The following TNR variants were observed in gnomAD, a reference collection of about 807,000 sequenced individuals.
The protein encoded by TNR is tenascin R.
TNR carries 45 observed loss-of-function variants against 150.4 expected under a neutral mutation model. The ratio of observed to expected loss-of-function variants is 0.30; its 90% confidence interval spans 0.24 to 0.38. The LOEUF (loss-of-function observed/expected upper bound fraction) is 0.38, where lower values mean the gene tolerates loss of function less well. Ranked by LOEUF, TNR falls within the 10% of genes least tolerant of loss-of-function variation. The probability of loss-of-function intolerance (pLI) is 1.00; values close to 1 mark genes in which losing one functional copy is unlikely to be tolerated. For missense variants in TNR, 1,544 were observed against 1,759.1 expected, an observed-to-expected ratio of 0.88 and a Z score of 2.19; for synonymous variants, 687 against 678.4, an observed-to-expected ratio of 1.01 and a Z score of -0.20.
intron 1 of TNR, among the ~76,000 whole-genome samples, chr1:175,607,841 T>C (rs1157599240): frequency 3.3e-5 from 5 of 152,244 alleles, no homozygotes; most frequent in African/African-American, 7.2e-5. Context: ...AAAATGGAGA[T>C]GTACTAACTA....
At chr1:175,375,818 G>A (rs190349837) in intron 9 of TNR, among the ~76,000 whole-genome samples, 46 of 152,292 alleles carry the variant, frequency 3.0e-4, no homozygotes, top group African/African-American at 1.1e-3. Context: ...ATAAAAAATT[G>A]AATGGGTATT....
At chr1:175,575,503 G>A (rs1044700349) in intron 1 of TNR, among the ~76,000 whole-genome samples, 1 of 152,156 alleles carries the variant, frequency 6.6e-6, no homozygotes, top group Admixed American at 6.5e-5. Flanking sequence ...AACACATGAG[G>A]AACATGCCAA....
chr1:175,435,412 T>C (rs554842827), intron 2 of TNR, among the ~76,000 whole-genome samples: 2 of 152,326 alleles, frequency 1.3e-5, no homozygotes, highest in South Asian at 4.1e-4. Flanking sequence ...CCATTAACTA[T>C]GATGGGAAAG....
At chr1:175,457,365 C>T (rs1656613706) in intron 2 of TNR, among the ~76,000 whole-genome samples, 1 of 152,214 alleles carries the variant, frequency 6.6e-6, no homozygotes, top group Admixed American at 6.5e-5. Flanking sequence ...TGGTGGCATC[C>T]CAGGCTACAG....
At chr1:175,500,891 A>C (rs1658706471) in intron 2 of TNR, among the ~76,000 whole-genome samples, 1 of 152,140 alleles carries the variant, frequency 6.6e-6, no homozygotes. Flanking sequence ...TCCAGTCCTA[A>C]TGGGCAAGGA....
chr1:175,497,886 C>T (rs1361081939), intron 2 of TNR, among the ~76,000 whole-genome samples: 1 of 152,074 alleles, frequency 6.6e-6, no homozygotes, highest in Non-Finnish European at 1.5e-5. Context: ...ATGGTGAAAC[C>T]CTGTCTCCAC....
chr1:175,630,020 A>G (rs1242237222), intron 1 of TNR, among the ~76,000 whole-genome samples: 1 of 152,276 alleles, frequency 6.6e-6, no homozygotes, highest in East Asian at 1.9e-4. Context: ...TCCTCTGCCC[A>G]GGGTCATTTC....
At chr1:175,729,652 T>A (rs1165588623) in intron 1 of TNR, among the ~76,000 whole-genome samples, 1 of 152,160 alleles carries the variant, frequency 6.6e-6, no homozygotes, top group Non-Finnish European at 1.5e-5. Context: ...GTATCTCTCA[T>A]TCTCACTAAA....
At chr1:175,742,913 G>C (rs973316907) in intron 1 of TNR, among the ~76,000 whole-genome samples, 1 of 150,154 alleles carries the variant, frequency 6.7e-6, no homozygotes, top group African/African-American at 2.5e-5. Flanking sequence ...ATGGAGACAC[G>C]CAGAAACCAC....
chr1:175,450,809 G>T (rs533722246), intron 2 of TNR, among the ~76,000 whole-genome samples: 58 of 152,316 alleles, frequency 3.8e-4, no homozygotes, highest in African/African-American at 1.3e-3. Context: ...AGGGGGTCCT[G>T]AGAAACCATC....
intron 2 of TNR, among the ~76,000 whole-genome samples, chr1:175,468,023 A>G (rs1000707160): frequency 5.9e-5 from 9 of 152,222 alleles, no homozygotes; most frequent in African/African-American, 2.2e-4. Context: ...CAGCAGAGAA[A>G]GCTTATGCTC....
intron 1 of TNR, among the ~76,000 whole-genome samples, chr1:175,570,881 C>A (rs1282338689): frequency 6.6e-6 from 1 of 152,214 alleles, no homozygotes; most frequent in Non-Finnish European, 1.5e-5. Flanking sequence ...TGTCTCTTCA[C>A]ATGACACCAG....
At chr1:175,331,902 T>G (rs1649953879) in intron 20 of TNR, among the ~76,000 whole-genome samples, 1 of 152,200 alleles carries the variant, frequency 6.6e-6, no homozygotes, top group Non-Finnish European at 1.5e-5. Context: ...CTTTTGGCTT[T>G]CCTGTCCCAT....
At chr1:175,359,064 C>G (rs926018252) in intron 15 of TNR, among the ~76,000 whole-genome samples, 1 of 145,992 alleles carries the variant, frequency 6.8e-6, no homozygotes, top group African/African-American at 2.6e-5. Flanking sequence ...TGGTTACATG[C>G]CTTTCTTGTA....
chr1:175,394,282 C>T (rs766385999), intron 5 of TNR, among the ~76,000 whole-genome samples: 24 of 152,112 alleles, frequency 1.6e-4, no homozygotes, highest in Non-Finnish European at 2.2e-4. Context: ...AGAAGCTTTA[C>T]AGGACTCCCG....
intron 14 of TNR, 102 bp from the exon 15 acceptor site, chr1:175,359,833 C>T: frequency 7.0e-7 from 1 of 1,418,854 alleles, no homozygotes; most frequent in Non-Finnish European, 9.4e-7. Flanking sequence ...ACTGCTGCTG[C>T]ACTCTACAAA....
chr1:175,367,058 T>A, intron 10 of TNR, 150 bp downstream of exon 10: 2 of 655,976 alleles, frequency 3.0e-6, no homozygotes, highest in Admixed American at 2.6e-5. Flanking sequence ...AGGCATAGGG[T>A]GGATGTTGTT....
intron 20 of TNR, among the ~76,000 whole-genome samples, chr1:175,331,233 C>A (rs1649908934): frequency 8.0e-6 from 1 of 125,578 alleles, no homozygotes; most frequent in African/African-American, 2.9e-5. Context: ...TTCCTGCCTC[C>A]CCTCCTTCCC....
Position 175,333,265 on chromosome 1 carries a change from AT to A in TNR, c.3631+2445del, listed in dbSNP as rs1359581951. 1.3e-5 allele frequency: 2 copies of A among 152,230 alleles called. 1 individual carries two copies. Among genetic ancestry groups the A allele is most frequent in the Non-Finnish European group, 2.9e-5 (2 of 68,034 alleles). The allele number at this position is 152,230 out of a possible 1,614,324, so 9.4% of individuals were successfully genotyped here. ...GCTATAACATTTCTTTTAAAAATAG[AT>A]TTAATTAAAGAGTAATTATAGAAAT... On this transcript the variant is annotated intron_variant, in intron 20 of 22. Transcript: ENST00000367674.
Sources: allele counts gnomAD v4.1 joint callset (sites outside exome capture counted in the v4.1 genomes callset), GRCh38; gene constraint gnomAD v4.1.1; transcripts MANE v1.5; gene names NCBI Gene and HGNC (gene_info 2026-07-23, HGNC 2026-07-21).